Variants in SEC22A observed in about 807,000 individuals in gnomAD.
The protein encoded by SEC22A is vesicle-trafficking protein SEC22a.
Under a neutral mutation model 35.3 loss-of-function variants are expected in SEC22A, and 22 were observed. The observed-to-expected ratio is 0.62, with a 90% CI of 0.45 to 0.89. SEC22A has a LOEUF of 0.89. Among genes scored for constraint, SEC22A ranks in the 40% least tolerant of loss-of-function variants. The pLI, the probability that SEC22A is intolerant of heterozygous loss-of-function variation, is 0.00. For synonymous variants in SEC22A, 119 were observed against 129.5 expected, an observed-to-expected ratio of 0.92 and a Z score of 0.55; for missense variants, 354 against 362.5, an observed-to-expected ratio of 0.98 and a Z score of 0.19.
chr3:123,221,244 G>A (rs1937117228), intron 2 of SEC22A, among the ~76,000 whole-genome samples: 1 of 151,738 alleles, frequency 6.6e-6, no homozygotes, highest in African/African-American at 2.4e-5. Context: ...GCCAAGGTGG[G>A]CAGATCACTT....
chr3:123,222,724 ATG>A (rs1228647353), intron 2 of SEC22A, among the ~76,000 whole-genome samples: 3 of 152,180 alleles, frequency 2.0e-5, no homozygotes, highest in African/African-American at 7.2e-5. Context: ...AACATGAATG[ATG>A]TTAGAGAGTA....
chr3:123,229,321 A>C lies in SEC22A; in HGVS notation c.541+4024A>C, dbSNP rs77181678. Among the ~76,000 whole-genome samples, 1,088 of 152,338 alleles carry C rather than the reference A, an allele frequency of 7.1e-3. 20 individuals are homozygous for C. The highest frequency in any genetic ancestry group is 0.025 in the African/African-American group (1,039 of 41,574). ...TAAAATAAAAGTTAAAAGGAAACCAAAACTCATCACTTACAGTGAACCTCA... is the reference window on the plus strand; with the variant it reads ...TAAAATAAAAGTTAAAAGGAAACCACAACTCATCACTTACAGTGAACCTCA... On this transcript the variant is annotated intron_variant, in intron 4 of 6. Coordinates refer to ENST00000492595, the MANE Select transcript of SEC22A (RefSeq NM_012430.5).
chr3:123,208,892 T>C (rs1019279520), intron 1 of SEC22A: 6 of 271,914 alleles, frequency 2.2e-5, no homozygotes, highest in African/African-American at 1.3e-4. Flanking sequence ...CCTCCCGGGT[T>C]CAAGCAATTC....
At chr3:123,220,863 G>T (rs564605522) in intron 2 of SEC22A, among the ~76,000 whole-genome samples, 1 of 75,280 alleles carries the variant, frequency 1.3e-5, no homozygotes, top group African/African-American at 4.7e-5. Context: ...TTTAAAAAAG[G>T]TCTCATATAT....
chr3:123,231,124 A>G (rs1217870616), intron 4 of SEC22A, among the ~76,000 whole-genome samples: 1 of 152,224 alleles, frequency 6.6e-6, no homozygotes, highest in Non-Finnish European at 1.5e-5. Flanking sequence ...AGCTATAAAC[A>G]TACATGCATT....
intron 4 of SEC22A, among the ~76,000 whole-genome samples, chr3:123,242,988 G>T (rs780319228): frequency 2.2e-4 from 34 of 152,002 alleles, no homozygotes; most frequent in Admixed American, 6.6e-5. Flanking sequence ...TTGTTCTTCA[G>T]TGGTTCCCCA....
At chr3:123,249,982 C>CT (rs2108083100) in intron 5 of SEC22A, among the ~76,000 whole-genome samples, 1 of 152,296 alleles carries the variant, frequency 6.6e-6, no homozygotes, top group Non-Finnish European at 1.5e-5. Flanking sequence ...TTTAGGAGCT[C>CT]TGTGTCAGGA....
intron 4 of SEC22A, among the ~76,000 whole-genome samples, chr3:123,231,886 T>G (rs1937332595): frequency 6.6e-6 from 1 of 152,010 alleles, no homozygotes; most frequent in Non-Finnish European, 1.5e-5. Context: ...CAAAAGTTGG[T>G]TCTTTGAAAA....
intron 6 of SEC22A, among the ~76,000 whole-genome samples, chr3:123,261,875 T>C (rs183064778): frequency 6.6e-6 from 1 of 152,158 alleles, no homozygotes; most frequent in Admixed American, 6.5e-5. Flanking sequence ...CTGTTACACT[T>C]CCCAGAACAG....
chr3:123,230,361 A>C (rs1937299420), intron 4 of SEC22A, among the ~76,000 whole-genome samples: 1 of 152,222 alleles, frequency 6.6e-6, no homozygotes, highest in Admixed American at 6.5e-5. Context: ...TAATGAAGGA[A>C]GCCAGAAAGA....
intron 4 of SEC22A, among the ~76,000 whole-genome samples, chr3:123,230,354 TGAAG>T (rs1210756480): frequency 6.6e-6 from 1 of 152,132 alleles, no homozygotes; most frequent in African/African-American, 2.4e-5. Context: ...CAGGAACTAA[TGAAG>T]GAAGCCAGAA....
rs1936898779 is a variant in SEC22A at position 123,209,278 on chromosome 3, TCTA to T, written c.64_66del (p.Thr22del). On this transcript the variant is annotated inframe_deletion, in exon 2 of 7. Coordinates refer to ENST00000492595, the MANE Select transcript of SEC22A (RefSeq NM_012430.5). ...CAGAGATGGACTGCCACTTTCTGCTTCTACTGATTATGAACAAAGCACAGGAAT... is the reference window on the plus strand; with the variant it reads ...CAGAGATGGACTGCCACTTTCTGCTTCTGATTATGAACAAAGCACAGGAAT... 3 of 1,614,108 alleles carry T rather than the reference TCTA, an allele frequency of 1.9e-6. No individual in the cohort carries two copies. Among genetic ancestry groups the T allele is most frequent in the East Asian group, 4.5e-5 (2 of 44,866 alleles).
intron 2 of SEC22A, among the ~76,000 whole-genome samples, chr3:123,222,324 G>A (rs1937139068): frequency 6.6e-6 from 1 of 152,006 alleles, no homozygotes; most frequent in African/African-American, 2.4e-5. Flanking sequence ...TCAGCCTCCT[G>A]AATAGCTGGG....
At chr3:123,262,186 T>A (rs998229307) in intron 6 of SEC22A, among the ~76,000 whole-genome samples, 1 of 152,196 alleles carries the variant, frequency 6.6e-6, no homozygotes, top group African/African-American at 2.4e-5. Flanking sequence ...CATTACCACA[T>A]GGTTTGTCAT....
chr3:123,240,735 A>G (rs1050155442), intron 4 of SEC22A, among the ~76,000 whole-genome samples: 1 of 152,112 alleles, frequency 6.6e-6, no homozygotes, highest in Non-Finnish European at 1.5e-5. Context: ...CCAACAAGCA[A>G]TTTGTGAGCA....
chr3:123,227,452 G>A (rs2108052445), intron 4 of SEC22A, among the ~76,000 whole-genome samples: 1 of 151,900 alleles, frequency 6.6e-6, no homozygotes, highest in Middle Eastern at 3.4e-3. Context: ...ACGGGGGCCT[G>A]TCAAGGGGTT....
At chr3:123,239,672 GTTGT>G (rs746419889) in intron 4 of SEC22A, among the ~76,000 whole-genome samples, 53 of 152,078 alleles carry the variant, frequency 3.5e-4, no homozygotes, top group Middle Eastern at 3.2e-3. Context: ...TTTTGATGGG[GTTGT>G]TTGTTTTTTT....
chr3:123,264,294 G>C (rs531978655), intron 6 of SEC22A, among the ~76,000 whole-genome samples: 1 of 152,224 alleles, frequency 6.6e-6, no homozygotes, highest in African/African-American at 2.4e-5. Flanking sequence ...GCAGGTTTTT[G>C]TGCAGACATA....
intron 2 of SEC22A, among the ~76,000 whole-genome samples, chr3:123,215,235 A>G (rs1937000511): frequency 6.6e-6 from 1 of 152,174 alleles, no homozygotes; most frequent in East Asian, 1.9e-4. Flanking sequence ...GTAGTGGTGG[A>G]GCTGGCTTCA....
Sources: allele counts gnomAD v4.1 joint callset (sites outside exome capture counted in the v4.1 genomes callset), GRCh38; gene constraint gnomAD v4.1.1; transcripts MANE v1.5; gene names NCBI Gene and HGNC (gene_info 2026-07-23, HGNC 2026-07-21).